AOAH: variants seen among roughly 807,000 people sequenced by gnomAD.
AOAH encodes acyloxyacyl hydrolase, also known as acyloxyacyl hydrolase (neutrophil).
A neutral mutation model predicts 92.2 loss-of-function variants in AOAH; 64 were observed. The observed-to-expected ratio is 0.69, with a 90% CI of 0.57 to 0.86. AOAH has a LOEUF of 0.86. Among genes scored for constraint, AOAH ranks in the 40% least tolerant of loss-of-function variants. AOAH has a pLI of 0.00. For synonymous variants in AOAH, 263 were observed against 254.5 expected, an observed-to-expected ratio of 1.03 and a Z score of -0.32; for missense variants, 656 against 694.6, an observed-to-expected ratio of 0.94 and a Z score of 0.62.
At chr7:36,536,746 C>T (rs1045890150) in intron 16 of AOAH, among the ~76,000 whole-genome samples, 34 of 151,992 alleles carry the variant, frequency 2.2e-4, no homozygotes, top group Non-Finnish European at 3.2e-4. Context: ...ATCAGGAGAT[C>T]GAGACCAGCC....
intron 11 of AOAH, chr7:36,600,110 A>G (rs1399935425): frequency 6.6e-6 from 1 of 152,248 alleles, no homozygotes; most frequent in Non-Finnish European, 1.5e-5. Flanking sequence ...AGTGGGGAAG[A>G]GAACTAATGC....
At chr7:36,663,040 G>C (rs934901090) in intron 3 of AOAH, among the ~76,000 whole-genome samples, 1 of 152,142 alleles carries the variant, frequency 6.6e-6, no homozygotes, top group Admixed American at 6.5e-5. Flanking sequence ...CCTAAACTAC[G>C]CCTCATTTGC....
At chr7:36,636,069 A>G (rs1793500978) in intron 5 of AOAH, among the ~76,000 whole-genome samples, 2 of 152,196 alleles carry the variant, frequency 1.3e-5, no homozygotes, top group South Asian at 4.1e-4. Flanking sequence ...CTGAAATGAT[A>G]TGGAACCTAC....
At chr7:36,538,442 T>A (rs868693131) in intron 16 of AOAH, among the ~76,000 whole-genome samples, 2 of 152,166 alleles carry the variant, frequency 1.3e-5, no homozygotes, top group Non-Finnish European at 2.9e-5. Flanking sequence ...ATAAATCAAG[T>A]GAATTGCATG....
intron 4 of AOAH, 42 bp downstream of exon 4, chr7:36,659,124 C>A: frequency 6.6e-7 from 1 of 1,511,094 alleles, no homozygotes. Flanking sequence ...AAAAGCCTTG[C>A]ATGTCCCTGG....
At chr7:36,520,276 T>G (rs893487951) in intron 20 of AOAH, among the ~76,000 whole-genome samples, 2 of 152,234 alleles carry the variant, frequency 1.3e-5, no homozygotes. Flanking sequence ...AACAAAGCTG[T>G]CTTTGATCCT....
At chr7:36,517,597 CTTTTTTTTT>C (rs70977159) in intron 20 of AOAH, among the ~76,000 whole-genome samples, 2 of 89,578 alleles carry the variant, frequency 2.2e-5, no homozygotes, top group Non-Finnish European at 4.0e-5. Context: ...GACTTTATAT[CTTTTTTTTT>C]TTTTTTTTTT....
At position 36,594,334 on chromosome 7, in the gene AOAH, C is replaced by T. The variant is rs772412064; in HGVS notation, c.938+5G>A. The T allele has an allele frequency of 1.9e-6, 3 of 1,611,396 alleles. No individual in the cohort carries two copies. Among genetic ancestry groups the T allele is most frequent in the East Asian group, 4.5e-5 (2 of 44,876 alleles). ...AAATGTCTGAGGGTGCACAAAGACA[C>T]TTACCCAACAGTGGAGTCCAGAAAT... On this transcript the variant is annotated splice_donor_5th_base_variant and intron_variant, in intron 12 of 20. Transcript: ENST00000617537.
At chr7:36,680,289 G>GA (rs1217878916) in intron 2 of AOAH, among the ~76,000 whole-genome samples, 3 of 152,104 alleles carry the variant, frequency 2.0e-5, no homozygotes, top group African/African-American at 7.2e-5. Flanking sequence ...TGCACGATTA[G>GA]AAAAAAACTG....
chr7:36,545,464 T>C (rs1785744381), intron 15 of AOAH, among the ~76,000 whole-genome samples: 1 of 152,114 alleles, frequency 6.6e-6, no homozygotes, highest in Non-Finnish European at 1.5e-5. Flanking sequence ...TAGTCCAGGC[T>C]CATTGGGGCC....
chr7:36,589,784 T>G (rs2116762551), intron 12 of AOAH, among the ~76,000 whole-genome samples: 1 of 152,362 alleles, frequency 6.6e-6, no homozygotes, highest in African/African-American at 2.4e-5. Flanking sequence ...TGAGAAGTCC[T>G]TCCTTCTTGT....
chr7:36,565,416 T>G (rs1180574867), intron 13 of AOAH, among the ~76,000 whole-genome samples: 2 of 152,248 alleles, frequency 1.3e-5, no homozygotes, highest in Non-Finnish European at 2.9e-5. Flanking sequence ...AATACTCTTT[T>G]CTGCGGCTTT....
chr7:36,699,747 T>C (rs914055742), intron 1 of AOAH, among the ~76,000 whole-genome samples: 3 of 151,990 alleles, frequency 2.0e-5, no homozygotes, highest in Non-Finnish European at 4.4e-5. Flanking sequence ...CTGTGGGTTA[T>C]GGCCTCACTT....
At chr7:36,711,823 C>T (rs941268213) in intron 1 of AOAH, among the ~76,000 whole-genome samples, 1 of 152,126 alleles carries the variant, frequency 6.6e-6, no homozygotes, top group Non-Finnish European at 1.5e-5. Flanking sequence ...CCATGAACCC[C>T]ACCAACCCTG....
intron 20 of AOAH, among the ~76,000 whole-genome samples, chr7:36,514,300 T>C (rs994760648): frequency 7.2e-6 from 1 of 139,820 alleles, no homozygotes; most frequent in African/African-American, 2.7e-5. Flanking sequence ...GAGAATGGCA[T>C]GTTTGGGGAA....
At chr7:36,634,710 T>C (rs1338194020) in intron 5 of AOAH, among the ~76,000 whole-genome samples, 1 of 152,226 alleles carries the variant, frequency 6.6e-6, no homozygotes. Context: ...TGCATTTGAA[T>C]GTTTGAGGTA....
At chr7:36,685,847 T>C (rs1257006971) in intron 2 of AOAH, among the ~76,000 whole-genome samples, 1 of 152,242 alleles carries the variant, frequency 6.6e-6, no homozygotes, top group African/African-American at 2.4e-5. Flanking sequence ...TTTTGAATTC[T>C]AAACATTTTA....
At chr7:36,722,866 A>G (rs1482738252) in intron 1 of AOAH, among the ~76,000 whole-genome samples, 2 of 140,546 alleles carry the variant, frequency 1.4e-5, no homozygotes, top group African/African-American at 2.6e-5. Context: ...CCAGGGAGGC[A>G]GAGGTTGCAG....
chr7:36,633,758 G>A (rs986676979), intron 5 of AOAH, among the ~76,000 whole-genome samples: 1 of 152,172 alleles, frequency 6.6e-6, no homozygotes, highest in Non-Finnish European at 1.5e-5. Flanking sequence ...CTAGGCGTGG[G>A]AAGATGGCCT....
Sources: gnomAD v4.1 joint callset for allele counts (sites outside exome capture counted in the v4.1 genomes callset) on GRCh38, gnomAD v4.1.1 for gene constraint, MANE v1.5 for transcripts, NCBI Gene and HGNC (gene_info 2026-07-23, HGNC 2026-07-21) for gene names.